The following EYS variants were observed in gnomAD, a reference collection of about 807,000 sequenced individuals.
EYS encodes the protein EGF-like photoreceptor maintenance factor.
In EYS, 250 loss-of-function variants were observed where a neutral mutation model predicts 282.1. The ratio of observed to expected loss-of-function variants is 0.89; its 90% CI spans 0.80 to 0.98. The LOEUF (loss-of-function observed/expected upper bound fraction) is 0.98. Among genes scored for constraint, EYS ranks in the 50% least tolerant of loss-of-function variants. The pLI is 0.00. For missense variants in EYS, 4,016 were observed against 3,709.0 expected (o/e 1.08, Z -2.15); for synonymous variants, 1,355 against 1,282.9 (o/e 1.06, Z -1.20).
At chr6:64,304,175 ACT>A (rs1358219663) in intron 30 of EYS, among the ~76,000 whole-genome samples, 1 of 152,190 alleles carries the variant, frequency 6.6e-6, no homozygotes, top group Non-Finnish European at 1.5e-5. Context: ...CCTTAGCCAC[ACT>A]GACAGGCAAA....
At chr6:65,250,776 A>G (rs1234435930) in intron 12 of EYS, among the ~76,000 whole-genome samples, 1 of 151,864 alleles carries the variant, frequency 6.6e-6, no homozygotes, top group African/African-American at 2.4e-5. Context: ...TAAGTCCAAG[A>G]GATATATCCT....
At chr6:65,426,304 T>G (rs1297318694) in intron 5 of EYS, among the ~76,000 whole-genome samples, 1 of 152,060 alleles carries the variant, frequency 6.6e-6, no homozygotes, top group African/African-American at 2.4e-5. Flanking sequence ...TATTATTAAC[T>G]TTTCATTTCC....
intron 2 of EYS, among the ~76,000 whole-genome samples, chr6:65,618,519 T>A (rs1164543975): frequency 6.6e-6 from 1 of 152,214 alleles, no homozygotes. Context: ...TTCACTCTGA[T>A]GGTAGTTTCT....
intron 31 of EYS, among the ~76,000 whole-genome samples, chr6:64,125,785 C>CAAAAAAA (rs920132590): frequency 3.0e-4 from 15 of 50,010 alleles, no homozygotes; most frequent in African/African-American, 8.9e-4. Flanking sequence ...GACTCCGTCT[C>CAAAAAAA]AAAAAAAAAA....
chr6:65,423,422 C>G (rs1349843451), intron 5 of EYS, among the ~76,000 whole-genome samples: 1 of 151,922 alleles, frequency 6.6e-6, no homozygotes, highest in African/African-American at 2.4e-5. Context: ...TAGCTGTTTG[C>G]TTGTGTCACT....
chr6:64,849,739 T>C (rs915282970), intron 19 of EYS, among the ~76,000 whole-genome samples: 13 of 151,934 alleles, frequency 8.6e-5, no homozygotes, highest in African/African-American at 3.1e-4. Flanking sequence ...TTGTTGAGTG[T>C]TAATCACAGG....
At chr6:64,270,483 C>G (rs1483878377) in intron 30 of EYS, among the ~76,000 whole-genome samples, 1 of 151,938 alleles carries the variant, frequency 6.6e-6, no homozygotes, top group Non-Finnish European at 1.5e-5. Flanking sequence ...TCTAACTACA[C>G]ATTATTAAAA....
intron 12 of EYS, among the ~76,000 whole-genome samples, chr6:65,083,688 C>G (rs1442562916): frequency 6.6e-6 from 1 of 151,776 alleles, no homozygotes; most frequent in Non-Finnish European, 1.5e-5. Flanking sequence ...TGTCTGAACA[C>G]TGAAATTCAT....
intron 22 of EYS, among the ~76,000 whole-genome samples, chr6:64,679,663 G>A (rs1769828311): frequency 6.6e-6 from 1 of 151,986 alleles, no homozygotes. Flanking sequence ...TGTGTGGGAG[G>A]GCATTTACAG....
At chr6:63,768,286 A>G (rs569722256) in intron 40 of EYS, among the ~76,000 whole-genome samples, 3 of 152,106 alleles carry the variant, frequency 2.0e-5, no homozygotes, top group African/African-American at 7.2e-5. Flanking sequence ...GAGTAAACAG[A>G]CAACCTACAA....
intron 11 of EYS, among the ~76,000 whole-genome samples, chr6:65,328,067 C>T (rs1423528038): frequency 6.6e-6 from 1 of 151,418 alleles, no homozygotes; most frequent in Non-Finnish European, 1.5e-5. Flanking sequence ...AGGTTTTATA[C>T]ACACATTAAC....
Position 64,313,913 on chromosome 6 carries a change from A to ATACCAAAT in EYS, c.6079-6839_6079-6832dup, listed in dbSNP as rs1769828861. On this transcript the variant is annotated intron_variant, in intron 29 of 42. Transcript: ENST00000503581. ...AACCGGTACCAGCCACTGCAAAAACATACCAAATTGTGAAGACCACTGACG... is the reference window on the plus strand; with the variant it reads ...AACCGGTACCAGCCACTGCAAAAACATACCAAATTACCAAATTGTGAAGACCACTGACG... Among the ~76,000 whole-genome samples the ATACCAAAT allele has an allele frequency of 3.9e-5, 6 of 152,272 alleles. No homozygotes were observed. In the South Asian group the frequency reaches 1.2e-3, roughly 32 times the overall value.
chr6:65,616,890 A>G (rs1465072335), intron 2 of EYS, among the ~76,000 whole-genome samples: 1 of 152,176 alleles, frequency 6.6e-6, no homozygotes, highest in Non-Finnish European at 1.5e-5. Flanking sequence ...GTGACTGATC[A>G]CTATGACTAA....
At chr6:64,009,095 GA>G (rs1000336529) in intron 33 of EYS, among the ~76,000 whole-genome samples, 13 of 152,080 alleles carry the variant, frequency 8.5e-5, no homozygotes, top group African/African-American at 2.9e-4. Flanking sequence ...CTCTTTCAGG[GA>G]TGCCAATGAG....
rs1554159220 is a variant in EYS, at chr6:64,421,860, G to GTGTGTGTGTGTGT, written c.5927+14313_5927+14314insACACACACACACA. ...AGAGAGCGCATTTTTTTGTTTGGGG[G>GTGTGTGTGTGTGT]GTGTGTGTGTGTGTGTGTGTGTGTG... On this transcript the variant is annotated intron_variant, in intron 28 of 42. Coordinates refer to ENST00000503581, the MANE Select transcript of EYS (RefSeq NM_001142800.2). Among the ~76,000 whole-genome samples the GTGTGTGTGTGTGT allele has an allele frequency of 6.5e-5, 9 of 138,352 alleles. No homozygotes were observed. In the East Asian group the frequency reaches 1.9e-3, roughly 29 times the overall value. The allele number at this position is 138,352 out of a possible 152,430, so 90.8% of individuals were successfully genotyped here.
At chr6:63,907,962 C>T (rs1274373704) in intron 35 of EYS, among the ~76,000 whole-genome samples, 1 of 148,290 alleles carries the variant, frequency 6.7e-6, no homozygotes, top group Non-Finnish European at 1.5e-5. Context: ...TTTTTTATGC[C>T]TGAATAGTAT....
intron 12 of EYS, among the ~76,000 whole-genome samples, chr6:65,087,558 G>A (rs1774420379): frequency 6.6e-6 from 1 of 151,942 alleles, no homozygotes; most frequent in South Asian, 2.1e-4. Context: ...CATATTAATT[G>A]GAAGACTCAG....
intron 5 of EYS, among the ~76,000 whole-genome samples, chr6:65,419,462 G>A (rs1562168185): frequency 6.6e-6 from 1 of 151,578 alleles, no homozygotes; most frequent in Non-Finnish European, 1.5e-5. Context: ...AAAAAAATCA[G>A]AGAATTAACC....
rs555671597 is a variant in EYS at position 64,333,296 on chromosome 6, T to G, written c.6079-26214A>C. Among the ~76,000 whole-genome samples, 12 of 152,254 alleles carry G rather than the reference T, an allele frequency of 7.9e-5. 1 individual carries two copies. In the East Asian group the frequency reaches 1.9e-3, roughly 25 times the overall value. On this transcript the variant is annotated intron_variant, in intron 29 of 42. Transcript: ENST00000503581. ...TGTAAACAAAATGGAAGTATTCCCT[T>G]ACTCAAATAAAGGGCCTATCTCCAT...
Sources: allele counts gnomAD v4.1 joint callset (sites outside exome capture counted in the v4.1 genomes callset), GRCh38; gene constraint gnomAD v4.1.1; transcripts MANE v1.5; gene names NCBI Gene and HGNC (gene_info 2026-07-23, HGNC 2026-07-21).